KCNN2: variants seen among roughly 807,000 people sequenced by gnomAD.
The protein encoded by KCNN2 is potassium calcium-activated channel subfamily N member 2, also known as small conductance calcium-activated potassium channel protein 2.
Under a neutral mutation model 55.5 loss-of-function variants are expected in KCNN2, and 24 were observed. That is an observed-to-expected ratio of 0.43 (90% CI 0.31 to 0.61). The LOEUF is 0.61. KCNN2 is among the 20% of genes least tolerant of loss of function. The pLI is 0.08. For missense variants in KCNN2, 754 were observed against 853.6 expected, an observed-to-expected ratio of 0.88 and a Z score of 1.45; for synonymous variants, 431 against 336.1, an observed-to-expected ratio of 1.28 and a Z score of -3.09.
chr5:114,222,370 A>G (rs1013399799), intron 2 of KCNN2, among the ~76,000 whole-genome samples: 8 of 152,176 alleles, frequency 5.3e-5, no homozygotes, highest in Non-Finnish European at 1.5e-5. Flanking sequence ...GCCTAGAACT[A>G]CCATACCAGA....
At chr5:114,370,622 C>G (rs1757735309) in intron 2 of KCNN2, among the ~76,000 whole-genome samples, 1 of 151,920 alleles carries the variant, frequency 6.6e-6, no homozygotes, top group Admixed American at 6.6e-5. Context: ...AAGAAGTATC[C>G]AGTATTGCCA....
At chr5:114,405,995 C>T (rs1758920591) in intron 3 of KCNN2, among the ~76,000 whole-genome samples, 1 of 151,520 alleles carries the variant, frequency 6.6e-6, no homozygotes, top group African/African-American at 2.4e-5. Context: ...CAGGCGTGAG[C>T]CACCGCACCA....
chr5:114,449,822 T>TGA (rs1760575204), intron 3 of KCNN2, among the ~76,000 whole-genome samples: 1 of 151,842 alleles, frequency 6.6e-6, no homozygotes, highest in Non-Finnish European at 1.5e-5. Flanking sequence ...GTACAGATGC[T>TGA]GCCTCCTCAG....
chr5:114,363,313 G>A (rs1418819049), intron 1 of KCNN2, 52 bp downstream of exon 1: 7 of 1,507,646 alleles, frequency 4.6e-6, no homozygotes, highest in Non-Finnish European at 6.2e-6. Context: ...CTGGGTGGTT[G>A]GGATGGGCAC....
chr5:114,392,353 G>A (rs892411785), intron 2 of KCNN2, among the ~76,000 whole-genome samples: 4 of 152,120 alleles, frequency 2.6e-5, no homozygotes, highest in African/African-American at 9.7e-5. Flanking sequence ...AGTTTTCTTC[G>A]TTCTAGCAAG....
At chr5:114,161,054 T>C (rs4512128) in intron 1 of KCNN2, among the ~76,000 whole-genome samples, 124,648 of 152,110 alleles carry the variant, frequency 0.82, 52,063 homozygotes, top group East Asian at 0.94. Flanking sequence ...ATTATGATGT[T>C]AGCTGTTTAT....
chr5:114,231,944 T>A (rs1038317970), intron 2 of KCNN2, among the ~76,000 whole-genome samples: 1 of 150,940 alleles, frequency 6.6e-6, no homozygotes, highest in Non-Finnish European at 1.5e-5. Context: ...TATTAGCATC[T>A]GACTTGGCAA....
chr5:114,279,815 A>G (rs528708671), intron 2 of KCNN2, among the ~76,000 whole-genome samples: 14 of 152,168 alleles, frequency 9.2e-5, no homozygotes, highest in African/African-American at 3.4e-4. Flanking sequence ...GTATATACCC[A>G]GTAATGGGAT....
chr5:114,106,731 A>G (rs1308784029), intron 1 of KCNN2, among the ~76,000 whole-genome samples: 1 of 147,856 alleles, frequency 6.8e-6, no homozygotes, highest in Admixed American at 6.8e-5. Context: ...TAAAAATTAG[A>G]TTGTCTGCTT....
At chr5:114,147,551 T>C (rs1165859768) in intron 1 of KCNN2, among the ~76,000 whole-genome samples, 1 of 152,156 alleles carries the variant, frequency 6.6e-6, no homozygotes, top group Non-Finnish European at 1.5e-5. Context: ...AAAAACTAAA[T>C]TTGTAAAGGC....
intron 1 of KCNN2, among the ~76,000 whole-genome samples, chr5:114,154,129 G>A (rs531168508): frequency 2.6e-4 from 39 of 152,178 alleles, no homozygotes; most frequent in African/African-American, 7.9e-4. Flanking sequence ...CCAGTCTGAG[G>A]GTGCCACCTG....
intron 2 of KCNN2, among the ~76,000 whole-genome samples, chr5:114,229,730 T>C (rs1010001111): frequency 1.5e-5 from 2 of 133,890 alleles, no homozygotes; most frequent in Non-Finnish European, 3.2e-5. Flanking sequence ...GGTTTAATTA[T>C]TGGGAAAAGT....
intron 5 of KCNN2, among the ~76,000 whole-genome samples, chr5:114,478,734 G>C (rs977822411): frequency 2.6e-5 from 4 of 152,118 alleles, no homozygotes; most frequent in Admixed American, 2.6e-4. Context: ...AGAAGAGACT[G>C]GGGGCCCATA....
Position 114,362,681 on chromosome 5 carries a change from C to A in KCNN2, c.542C>A (p.Pro181Gln). Residue 181 changes from proline (P) to glutamine (Q), a missense_variant, in exon 1 of 8, where the codon CCG becomes CAG. Physicochemically the swap from Pro to Gln is moderately conservative, Grantham distance 76. Around this residue, in one of 4 missense-constraint regions of KCNN2, gnomAD observed 381 missense variants for 259.1 expected, o/e 1.47. Transcript: ENST00000673685. ...CTCGGCAGTCTGGGCTCCGGGCCCC[C>A]GCTCTCGCACCACCACCACCACCCG... ...GSLGSLGSGP[P>Q]LSHHHHHPHP... 1 of 1,444,436 alleles carries A rather than the reference C, an allele frequency of 6.9e-7. No homozygotes were observed. Among genetic ancestry groups the A allele is most frequent in the South Asian group, 1.4e-5 (1 of 69,042 alleles). 89.5% of individuals were successfully genotyped at this position (1,444,436 alleles called of 1,614,324 possible). A position where few individuals can be genotyped will look rare whatever the true frequency, so the allele number is the denominator to read the frequency against.
intron 1 of KCNN2, among the ~76,000 whole-genome samples, chr5:114,167,453 T>C (rs891389822): frequency 2.6e-5 from 4 of 152,124 alleles, no homozygotes; most frequent in Non-Finnish European, 5.9e-5. Context: ...TGAGAATGCC[T>C]TTTTATTTTC....
intron 1 of KCNN2, among the ~76,000 whole-genome samples, chr5:114,097,956 A>G (rs1449485081): frequency 6.6e-6 from 1 of 152,132 alleles, no homozygotes; most frequent in Non-Finnish European, 1.5e-5. Context: ...TTATTTTCCT[A>G]CAGTTCTGGA....
chr5:114,272,441 T>C (rs1162365784), intron 2 of KCNN2, among the ~76,000 whole-genome samples: 153 of 15,192 alleles, frequency 0.01, 3 homozygotes, highest in African/African-American at 0.012. Flanking sequence ...ACATATCATA[T>C]ACACACATAT....
intron 1 of KCNN2, among the ~76,000 whole-genome samples, chr5:114,153,897 G>C (rs1452336328): frequency 1.3e-5 from 2 of 152,106 alleles, no homozygotes; most frequent in African/African-American, 4.8e-5. Flanking sequence ...AGTTGGTCTT[G>C]TTTTCCTCAA....
chr5:114,190,184 C>A (rs1366421775), intron 1 of KCNN2, among the ~76,000 whole-genome samples: 2 of 151,982 alleles, frequency 1.3e-5, no homozygotes, highest in Non-Finnish European at 2.9e-5. Flanking sequence ...AGTTAATCCT[C>A]ACAAAACAAG....
Sources: gnomAD v4.1 joint callset for allele counts (sites outside exome capture counted in the v4.1 genomes callset) on GRCh38, gnomAD v4.1.1 for gene constraint, gnomAD v4.1.1 regional missense constraint, MANE v1.5 for transcripts, NCBI Gene and HGNC (gene_info 2026-07-23, HGNC 2026-07-21) for gene names.